MAP7D3: variants seen among roughly 807,000 people sequenced by gnomAD.
The protein encoded by MAP7D3 is MAP7 domain-containing protein 3.
A neutral mutation model predicts 62.2 loss-of-function variants in MAP7D3; 45 were observed. That is an observed-to-expected ratio of 0.72 (90% confidence interval 0.57 to 0.93). MAP7D3 has a LOEUF of 0.93. Among genes scored for constraint, MAP7D3 ranks in the 40% least tolerant of loss-of-function variants. The probability of loss-of-function intolerance (pLI) is 0.00; values close to 1 mark genes in which losing one functional copy is unlikely to be tolerated. For missense variants in MAP7D3, 711 were observed against 683.1 expected (o/e 1.04, Z -0.45); for synonymous variants, 288 against 248.8 (o/e 1.16, Z -1.48).
intron 14 of MAP7D3, among the ~76,000 whole-genome samples, chrX:136,224,571 C>T (rs1279004123): frequency 9.1e-6 from 1 of 109,892 alleles, no homozygotes; most frequent in Non-Finnish European, 1.9e-5. Flanking sequence ...GAAGCAGTAT[C>T]TATAACATTT....
chrX:136,224,436 G>T (rs1343341973), intron 14 of MAP7D3, among the ~76,000 whole-genome samples: 1 of 104,076 alleles, frequency 9.6e-6, no homozygotes, highest in South Asian at 4.4e-4. Context: ...CGTTTGAGGT[G>T]ATGGATTTGC....
intron 7 of MAP7D3, among the ~76,000 whole-genome samples, chrX:136,235,585 C>A (rs1369252362): frequency 9.0e-6 from 1 of 110,786 alleles, no homozygotes; most frequent in Admixed American, 9.6e-5. Flanking sequence ...CCCATTTCTA[C>A]TAAAAATACA....
chrX:136,218,191 A>C lies in MAP7D3; in HGVS notation c.*335T>G, dbSNP rs2074082734. On this transcript the variant is annotated 3_prime_UTR_variant, in exon 19 of 19. Coordinates refer to ENST00000316077, the MANE Select transcript of MAP7D3 (RefSeq NM_024597.4). ...AGTTTCAGGAAAGCATCCTTGATGC[A>C]CTCACTCCAGCAAACACATTGGTGG... The C allele has an allele frequency of 8.9e-6, 1 of 112,575 alleles. No individual in the cohort carries two copies. Among genetic ancestry groups the C allele is most frequent in the African/African-American group, 3.2e-5 (1 of 31,051 alleles). The allele number at this position is 112,575 out of a possible 1,213,427, so 9.3% of individuals were successfully genotyped here. A position where few individuals can be genotyped will look rare whatever the true frequency, so the allele number is the denominator to read the frequency against.
chrX:136,225,921 T>C lies in MAP7D3; in HGVS notation c.2127A>G (p.Leu709=), dbSNP rs1436207865. The part of the protein sequence containing the change: ...RIMLQNLQER[L]ERKKRIEEIM... ...AGAGAGCGAGTACCTTTTTCCTTTC[T>C]AACCGTTCTTGTAAATTTTGTAACA... Residue 709 remains leucine (L), a synonymous_variant, in exon 13 of 19, where the codon TTA becomes TTG. Transcript: ENST00000316077. The C allele has an allele frequency of 1.7e-6, 2 of 1,188,450 alleles. No individual in the cohort carries two copies. Among genetic ancestry groups the C allele is most frequent in the South Asian group, 3.6e-5 (2 of 55,040 alleles).
At chrX:136,254,777 G>A (rs758353369), upstream of MAP7D3, among the ~76,000 whole-genome samples, 2 of 111,953 alleles carry the variant, frequency 1.8e-5, no homozygotes, top group Non-Finnish European at 3.8e-5. Flanking sequence ...TGGTCGCTGA[G>A]TGGGCAGATG....
chrX:136,244,246 T>A (rs768897815), intron 4 of MAP7D3, among the ~76,000 whole-genome samples: 1 of 111,297 alleles, frequency 9.0e-6, no homozygotes, highest in Non-Finnish European at 1.9e-5. Context: ...TGAGGGCACG[T>A]CAGGGAGGGT....
At chrX:136,229,085 A>ATGC in intron 10 of MAP7D3, 1 of 128,091 alleles carries the variant, frequency 7.8e-6, no homozygotes. Flanking sequence ...AGAGGAAGAC[A>ATGC]AGCTTATGCT....
chrX:136,219,158 A>AT (rs1162737649), intron 18 of MAP7D3, among the ~76,000 whole-genome samples: 2 of 112,304 alleles, frequency 1.8e-5, no homozygotes, highest in African/African-American at 6.5e-5. Flanking sequence ...GCCAGAACTT[A>AT]TTTTTTATAT....
chrX:136,233,298 G>A (rs1463759141), intron 7 of MAP7D3, among the ~76,000 whole-genome samples: 1 of 97,155 alleles, frequency 1.0e-5, no homozygotes, highest in African/African-American at 3.7e-5. Context: ...TTTTTGAGAT[G>A]GAGTCTCGCT....
upstream of MAP7D3, chrX:136,251,528 A>G: frequency 1.2e-6 from 1 of 840,730 alleles, no homozygotes. Flanking sequence ...ACCGGGCAGG[A>G]TTGCCCCTTG....
Position 136,231,559 on chromosome X carries a change from C to G in MAP7D3, c.1398G>C (p.Ala466=). The change falls in exon 8 of 19, where the codon GCG becomes GCC. Residue 466 remains alanine (A), a synonymous_variant. Transcript: ENST00000316077. ...ASMEASPKAK[A]RDAPKKSEMD... is the part of the protein sequence containing the mutation. ...CTTGACAAACCTTTGGAGCGTCTCTCGCTTTTGCCTTGGGAGATGCTTCCA... is the reference window on the plus strand; with the variant it reads ...CTTGACAAACCTTTGGAGCGTCTCTGGCTTTTGCCTTGGGAGATGCTTCCA... 8.3e-7 allele frequency: 1 copy of G among 1,203,802 alleles called. No homozygotes were observed. The highest frequency in any genetic ancestry group is 1.1e-6 in the Non-Finnish European group (1 of 892,474).
intron 1 of MAP7D3, among the ~76,000 whole-genome samples, chrX:136,249,491 C>T (rs1379855125): frequency 8.9e-6 from 1 of 112,346 alleles, no homozygotes; most frequent in Non-Finnish European, 1.9e-5. Context: ...GCTACAACCT[C>T]AGCACAGTGC....
In MAP7D3 at chrX:136,219,596, G is replaced by C; in HGVS notation, c.2562C>G (p.Ser854=). ...KADETNTTSR[S]SAQTKSEGFH... is the part of the protein sequence containing the mutation. ...GCTGCTCATAATTCATACTAACAGA[G>C]GATCTGCTGGTGGTGTTGGTTTCAT... Residue 854 remains serine (S), a synonymous_variant, in exon 17 of 19, where the codon TCC becomes TCG. Coordinates refer to ENST00000316077, the MANE Select transcript of MAP7D3 (RefSeq NM_024597.4). 1 of 1,199,391 alleles carries C rather than the reference G, an allele frequency of 8.3e-7. No individual in the cohort carries two copies. Among genetic ancestry groups the C allele is most frequent in the Non-Finnish European group, 1.1e-6 (1 of 884,265 alleles).
intron 1 of MAP7D3, among the ~76,000 whole-genome samples, chrX:136,250,848 G>A (rs2074497660): frequency 8.9e-6 from 1 of 111,791 alleles, no homozygotes; most frequent in African/African-American, 3.2e-5. Flanking sequence ...CGGAGTCCCT[G>A]CGGGCGCCCG....
downstream of MAP7D3, chrX:136,214,461 A>C (rs1172939920): frequency 8.9e-6 from 1 of 111,895 alleles, no homozygotes; most frequent in East Asian, 2.8e-4. Flanking sequence ...ATGCCTCCTG[A>C]TCCCTCTTGC....
intron 6 of MAP7D3, among the ~76,000 whole-genome samples, chrX:136,237,794 A>G (rs1427041678): frequency 9.0e-6 from 1 of 110,767 alleles, no homozygotes; most frequent in Non-Finnish European, 1.9e-5. Context: ...TGACATATGT[A>G]TACATGTGCC....
At chrX:136,213,511 A>C (rs2074043836), downstream of MAP7D3, 1 of 110,852 alleles carries the variant, frequency 9.0e-6, no homozygotes, top group African/African-American at 3.3e-5. Flanking sequence ...GTGAGACGTA[A>C]AATTTCTACT....
upstream of MAP7D3, among the ~76,000 whole-genome samples, chrX:136,254,360 C>T (rs534582602): frequency 2.7e-5 from 3 of 111,252 alleles, no homozygotes; most frequent in South Asian, 1.2e-3. Flanking sequence ...GCTGGGATTA[C>T]AGATGTGAAC....
chrX:136,251,852 C>A (rs2074517565), upstream of MAP7D3, among the ~76,000 whole-genome samples: 1 of 111,474 alleles, frequency 9.0e-6, no homozygotes, highest in Non-Finnish European at 1.9e-5. Context: ...GAGTCGCAGG[C>A]TTGCTTTGAG....
Sources: allele counts gnomAD v4.1 joint callset (sites outside exome capture counted in the v4.1 genomes callset), GRCh38; gene constraint gnomAD v4.1.1; transcripts MANE v1.5; gene names NCBI Gene and HGNC (gene_info 2026-07-23, HGNC 2026-07-21).